The following DNAH1 variants were observed in gnomAD, a reference collection of about 807,000 sequenced individuals.
DNAH1 encodes the protein dynein axonemal heavy chain 1, also known as axonemal beta dynein heavy chain 1.
In DNAH1, 327 loss-of-function variants were observed where a neutral mutation model predicts 484.3. The ratio of observed to expected loss-of-function variants is 0.68; its 90% confidence interval spans 0.62 to 0.74. The LOEUF is 0.74. Ranked by LOEUF, DNAH1 falls within the 30% of genes least tolerant of loss-of-function variation. The probability of loss-of-function intolerance (pLI) is 0.00; values close to 1 mark genes in which losing one functional copy is unlikely to be tolerated. For synonymous variants in DNAH1, 2,192 were observed against 2,191.9 expected, an observed-to-expected ratio of 1.00 and a Z score of 0.00; for missense variants, 5,052 against 5,546.8, an observed-to-expected ratio of 0.91 and a Z score of 2.83.
At chr3:52,365,552 C>G (rs1369557787) in intron 34 of DNAH1, among the ~76,000 whole-genome samples, 1 of 152,188 alleles carries the variant, frequency 6.6e-6, no homozygotes, top group African/African-American at 2.4e-5. Flanking sequence ...GCTGGGGGGA[C>G]ACTGCCCTCA....
At chr3:52,374,842 A>C in intron 44 of DNAH1, 2 of 1,112,116 alleles carry the variant, frequency 1.8e-6, no homozygotes, top group Non-Finnish European at 2.7e-6. Flanking sequence ...GTACGAGAAG[A>C]AGCATGGGTT....
At chr3:52,390,894 C>A in intron 60 of DNAH1, 41 bp from the exon 61 acceptor site, 2 of 1,549,770 alleles carry the variant, frequency 1.3e-6, no homozygotes, top group Admixed American at 2.0e-5. Flanking sequence ...ACCCTGCTTG[C>A]AGGAAAGCTC....
chr3:52,333,076 A>C (rs1026855853), intron 8 of DNAH1, among the ~76,000 whole-genome samples: 4 of 152,126 alleles, frequency 2.6e-5, no homozygotes, highest in African/African-American at 9.7e-5. Context: ...TTGTAGAGAC[A>C]GATCTCCCTA....
At chr3:52,326,924 AG>A (rs1214910572) in intron 5 of DNAH1, 33 bp downstream of exon 5, 1 of 1,600,748 alleles carries the variant, frequency 6.2e-7, no homozygotes, top group Admixed American at 1.7e-5. Context: ...GTTGAGAGAC[AG>A]GGGCAGAAGT....
Position 52,355,654 on chromosome 3 carries a change from G to A in DNAH1, c.3693+599G>A, listed in dbSNP as rs538704242. 4.6e-5 allele frequency among the ~76,000 whole-genome samples: 7 copies of A among 152,228 alleles called. No homozygotes were observed. Among genetic ancestry groups the A allele is most frequent in the South Asian group, 4.1e-4 (2 of 4,830 alleles). The stretch of plus-strand genomic sequence containing the variant: ...TGATAGCTGCTCAGAGACCTCCGGC[G>A]AAGGCCAGAAGCAGGTGGGGAGGGC... On this transcript the variant is annotated intron_variant, in intron 21 of 77. Coordinates refer to ENST00000420323, the MANE Select transcript of DNAH1 (RefSeq NM_015512.5). The surrounding 1 kb of genome is among the most constrained non-coding windows in gnomAD (Gnocchi z 4.5).
upstream of DNAH1, among the ~76,000 whole-genome samples, chr3:52,311,828 C>G (rs1700771714): frequency 6.6e-6 from 1 of 152,198 alleles, no homozygotes; most frequent in South Asian, 2.1e-4. Flanking sequence ...GAGCATGAGC[C>G]AGGGCAGCCT....
chr3:52,332,013 AG>A, intron 7 of DNAH1, 128 bp from the exon 8 acceptor site: 2 of 1,201,834 alleles, frequency 1.7e-6, no homozygotes, highest in Non-Finnish European at 2.3e-6. Context: ...CAGATGCAAC[AG>A]GGGGTCAGAA....
intron 53 of DNAH1, 100 bp downstream of exon 53, chr3:52,385,077 C>A: frequency 7.3e-7 from 1 of 1,378,946 alleles, no homozygotes; most frequent in Non-Finnish European, 9.7e-7. Context: ...GCCTTTCAAA[C>A]TGCAGCCCAC....
chr3:52,381,783 GC>G lies in DNAH1; in HGVS notation c.7753del (p.Leu2585TrpfsTer41), dbSNP rs1232179393. 5.6e-6 allele frequency: 9 copies of G among 1,605,674 alleles called. No homozygotes were observed. The highest frequency in any genetic ancestry group is 5.9e-6 in the Non-Finnish European group (7 of 1,176,946). On this transcript the variant is annotated frameshift_variant, in exon 49 of 78. Coordinates refer to ENST00000420323, the MANE Select transcript of DNAH1 (RefSeq NM_015512.5). LOFTEE classifies it high-confidence loss of function. This position sits in a 1 kb window ranked among gnomAD's most constrained non-coding sequence, Gnocchi z 4.1. ...LRQALGNALL[L>X]GVGGSGRSSL... ...GCCAGGCGCTGGGCAATGCACTCCT[GC>G]TGGGCGTGGGTGGCAGCGGCCGCAG...
At position 52,331,234 on chromosome 3, in the gene DNAH1, C is replaced by A; in HGVS notation, c.958C>A (p.His320Asn). Reference protein sequence around the residue: ...YDEEKKLYLVHKTDEKGLVRD... With the variant: ...YDEEKKLYLVNKTDEKGLVRD... ...CGAGGAGAAGAAGCTATACCTGGTA[C>A]ACAAGACAGACGAGAAAGGCCTGGT... Residue 320 changes from histidine (H) to asparagine (N), a missense_variant, in exon 7 of 78, where the codon CAC becomes AAC. Coordinates refer to ENST00000420323, the MANE Select transcript of DNAH1 (RefSeq NM_015512.5). The A allele has an allele frequency of 6.2e-7, 1 of 1,611,266 alleles. No individual in the cohort carries two copies. Among genetic ancestry groups the A allele is most frequent in the South Asian group, 1.1e-5 (1 of 90,190 alleles).
chr3:52,394,816 T>C (rs1056375561), intron 67 of DNAH1, 99 bp from the exon 68 acceptor site: 13 of 1,513,020 alleles, frequency 8.6e-6, no homozygotes, highest in Non-Finnish European at 8.9e-7. Context: ...ACCCCTGGGA[T>C]AGCCCACTCT....
upstream of DNAH1, among the ~76,000 whole-genome samples, chr3:52,315,642 G>A (rs2153222148): frequency 6.6e-6 from 1 of 152,320 alleles, no homozygotes; most frequent in East Asian, 1.9e-4. Context: ...ACAAGGGTAA[G>A]GCTGACCTCT....
intron 6 of DNAH1, among the ~76,000 whole-genome samples, chr3:52,330,071 G>C (rs1422590606): frequency 2.6e-5 from 4 of 152,130 alleles, no homozygotes; most frequent in Non-Finnish European, 5.9e-5. Context: ...CTGCCTCCCA[G>C]AGTGCTGGGA....
At chr3:52,350,663 C>T in intron 16 of DNAH1, 73 bp downstream of exon 16, 1 of 1,357,450 alleles carries the variant, frequency 7.4e-7, no homozygotes, top group Non-Finnish European at 1.0e-6. Context: ...GCAGAGGCTC[C>T]CAAATGCCCC....
Position 52,332,321 on chromosome 3 carries a change from G to A in DNAH1, c.1213G>A (p.Val405Ile). The A allele has an allele frequency of 6.2e-7, 1 of 1,614,076 alleles. No homozygotes were observed. The highest frequency in any genetic ancestry group is 8.5e-7 in the Non-Finnish European group (1 of 1,179,908). The change falls in exon 8 of 78, where the codon GTC (valine) becomes ATC (isoleucine). Residue 405 changes from valine to isoleucine, a missense_variant. Val to Ile is a conservative substitution (Grantham distance 29). Around this residue, in one of 4 missense-constraint regions of DNAH1, gnomAD observed 1,263 missense variants for 1,218.8 expected, o/e 1.04. Transcript: ENST00000420323. ...VDCMPSDGQH[V>I]ISEQSLSKIK... is the part of the protein sequence containing the mutation. Reference sequence around the variant, plus strand: ...CTGCATGCCCTCTGACGGCCAGCATGTCATCAGTGAACAGAGCCTGAGCAA... The same window carrying A: ...CTGCATGCCCTCTGACGGCCAGCATATCATCAGTGAACAGAGCCTGAGCAA...
At chr3:52,314,217 T>C (rs1700878782), upstream of DNAH1, among the ~76,000 whole-genome samples, 1 of 152,202 alleles carries the variant, frequency 6.6e-6, no homozygotes, top group South Asian at 2.1e-4. Context: ...GCTCAGAGCC[T>C]AATTATAATA....
chr3:52,331,104 C>A, intron 6 of DNAH1, 44 bp from the exon 7 acceptor site: 1 of 1,551,828 alleles, frequency 6.4e-7, no homozygotes, highest in Non-Finnish European at 8.7e-7. Flanking sequence ...CCCTTCCTGC[C>A]CCCATGGCGG....
Position 52,372,406 on chromosome 3 carries a change from C to A in DNAH1, c.6827+19C>A. On this transcript the variant is annotated intron_variant, in intron 43 of 77. Transcript: ENST00000420323. Reference sequence around the variant, plus strand: ...ACAAGAGGCAGGGCACCCCTCCCTCCTTCCTCACCCCTGCATCCTCCCAGC... The same window carrying A: ...ACAAGAGGCAGGGCACCCCTCCCTCATTCCTCACCCCTGCATCCTCCCAGC... 1.2e-6 allele frequency: 2 copies of A among 1,611,666 alleles called. No homozygotes were observed. Among genetic ancestry groups the A allele is most frequent in the Non-Finnish European group, 1.7e-6 (2 of 1,179,736 alleles).
chr3:52,350,497 T>A lies in DNAH1; in HGVS notation c.2647-11T>A. 1 of 1,613,460 alleles carries A rather than the reference T, an allele frequency of 6.2e-7. No individual in the cohort carries two copies. Among genetic ancestry groups the A allele is most frequent in the Non-Finnish European group, 8.5e-7 (1 of 1,179,570 alleles). ...CACACGTGAAGTTCTCATTACCACC[T>A]GTCTGTGCAGGAGCGGATTGTGAAG... On this transcript the variant is annotated splice_polypyrimidine_tract_variant and intron_variant, in intron 15 of 77. Transcript: ENST00000420323.
Sources: allele counts gnomAD v4.1 joint callset (sites outside exome capture counted in the v4.1 genomes callset), GRCh38; gene constraint gnomAD v4.1.1; regional missense constraint gnomAD v4.1.1; non-coding constraint Gnocchi (gnomAD v3.1); transcripts MANE v1.5; gene names NCBI Gene and HGNC (gene_info 2026-07-23, HGNC 2026-07-21).